SMAD2: variants seen among roughly 807,000 people sequenced by gnomAD.
The protein encoded by SMAD2 is MAD homolog 2.
Under a neutral mutation model 64.4 loss-of-function variants are expected in SMAD2, and 8 were observed. That is an observed-to-expected ratio of 0.12 (90% CI 0.07 to 0.22). The LOEUF is 0.22. SMAD2 is among the 10% of genes least tolerant of loss of function. The pLI is 1.00. For missense variants in SMAD2, 289 were observed against 561.2 expected (o/e 0.51, Z 4.90); for synonymous variants, 203 against 195.8 (o/e 1.04, Z -0.31).
intron 2 of SMAD2, among the ~76,000 whole-genome samples, chr18:47,886,086 A>G (rs2032886938): frequency 1.3e-5 from 2 of 152,248 alleles, no homozygotes; most frequent in South Asian, 4.1e-4. Context: ...TCCCAAGGAT[A>G]CCAAGGGATG....
Position 47,816,322 on chromosome 18 carries a change from C to G in SMAD2, c.*25505G>C, listed in dbSNP as rs999327207. On this transcript the variant is annotated 3_prime_UTR_variant, in exon 11 of 11. Transcript: ENST00000262160. ...CACAATTGGGTAGCTTTAAAAAATA[C>G]CAAAATATACAGTGGTCACCCTAAA... 2 of 151,978 alleles carry G rather than the reference C, an allele frequency of 1.3e-5. No homozygotes were observed. The highest frequency in any genetic ancestry group is 2.9e-5 in the Non-Finnish European group (2 of 67,992). 9.4% of individuals were successfully genotyped at this position (151,978 alleles called of 1,614,324 possible).
chr18:47,867,667 A>AC (rs1419272029), intron 5 of SMAD2, among the ~76,000 whole-genome samples: 3 of 151,744 alleles, frequency 2.0e-5, no homozygotes, highest in African/African-American at 2.4e-5. Flanking sequence ...CAAAAAAAAA[A>AC]AAAAGAAACC....
intron 6 of SMAD2, among the ~76,000 whole-genome samples, chr18:47,861,433 C>T (rs1157115316): frequency 5.9e-5 from 9 of 152,048 alleles, no homozygotes. Context: ...GTCAATTTAA[C>T]AAGAATGCAG....
chr18:47,837,424 T>C lies in SMAD2; in HGVS notation c.*4403A>G, dbSNP rs962752556. On this transcript the variant is annotated 3_prime_UTR_variant, in exon 11 of 11. Coordinates refer to ENST00000262160, the MANE Select transcript of SMAD2 (RefSeq NM_005901.6). ...AAAAATACAAAAAATTAGCCGAGTGTGGTGGTGGGCGCCTGTAGTCCCAGC... is the reference window on the plus strand; with the variant it reads ...AAAAATACAAAAAATTAGCCGAGTGCGGTGGTGGGCGCCTGTAGTCCCAGC... The C allele has an allele frequency of 7.6e-5, 15 of 197,872 alleles. No homozygotes were observed. Among genetic ancestry groups the C allele is most frequent in the African/African-American group, 3.2e-4 (14 of 43,168 alleles). The allele number at this position is 197,872 out of a possible 1,614,324, so 12.3% of individuals were successfully genotyped here.
At chr18:47,900,756 G>A (rs1268933222) in intron 1 of SMAD2, among the ~76,000 whole-genome samples, 6 of 152,018 alleles carry the variant, frequency 3.9e-5, no homozygotes, top group Admixed American at 2.6e-4. Flanking sequence ...CATTTCAGCA[G>A]CAGCAATCTA....
intron 7 of SMAD2, among the ~76,000 whole-genome samples, chr18:47,850,533 A>G (rs1269188351): frequency 5.3e-5 from 1 of 18,876 alleles, no homozygotes; most frequent in Non-Finnish European, 9.0e-5. Flanking sequence ...TATGTATAAT[A>G]TATGTTATAT....
At position 47,833,042 on chromosome 18, in the gene SMAD2, A is replaced by T. The variant is rs929634851; in HGVS notation, c.*8785T>A. 5.6e-6 allele frequency: 1 copy of T among 178,852 alleles called. No homozygotes were observed. 11.1% of individuals were successfully genotyped at this position (178,852 alleles called of 1,614,324 possible). ...TGAACACCAAAATGTAATCCCATAT[A>T]AAAAAAGATCAGTTTAAATAAAAAT... On this transcript the variant is annotated 3_prime_UTR_variant, in exon 11 of 11. Transcript: ENST00000262160.
At chr18:47,915,576 A>G (rs185571681) in intron 1 of SMAD2, among the ~76,000 whole-genome samples, 1 of 152,228 alleles carries the variant, frequency 6.6e-6, no homozygotes, top group Admixed American at 6.5e-5. Flanking sequence ...TTAACCAAAA[A>G]AAGTCCCACA....
rs1912278526 is a variant in SMAD2 at position 47,813,711 on chromosome 18, A to AGTTTTTTTTT, written c.*28115_*28116insAAAAAAAAAC. 4 of 84,580 alleles carry AGTTTTTTTTT rather than the reference A, an allele frequency of 4.7e-5. No homozygotes were observed. The East Asian group carries it at 1.8e-3, about 39-fold the overall frequency. The allele number at this position is 84,580 out of a possible 1,614,324, so 5.2% of individuals were successfully genotyped here. On this transcript the variant is annotated 3_prime_UTR_variant, in exon 11 of 11. Coordinates refer to ENST00000262160, the MANE Select transcript of SMAD2 (RefSeq NM_005901.6). Reference sequence around the variant, plus strand: ...ATGAGCCACTGTACCCGGCCCCACAATTTTTTTTTTTTTTTTTTTTTGGAG... The same window carrying AGTTTTTTTTT: ...ATGAGCCACTGTACCCGGCCCCACAAGTTTTTTTTTTTTTTTTTTTTTTTTTTTTTTGGAG...
chr18:47,898,532 T>TC lies in SMAD2; in HGVS notation c.-53-1724dup, dbSNP rs61446609. Among the ~76,000 whole-genome samples the TC allele has an allele frequency of 3.9e-3, 589 of 152,350 alleles. 4 individuals carry two copies. The highest frequency in any genetic ancestry group is 0.013 in the African/African-American group (545 of 41,592). On this transcript the variant is annotated intron_variant, in intron 1 of 10. Transcript: ENST00000262160. ...TCCTAACACAAGATGCAAATTTATT[T>TC]CCCATCAAAGAACATGGCTAATTTT...
In SMAD2 at chr18:47,849,974, T is replaced by A. The variant is rs557148658; in HGVS notation, c.785-1287A>T. Among the ~76,000 whole-genome samples the A allele has an allele frequency of 4.6e-5, 7 of 151,526 alleles. No homozygotes were observed. The South Asian group carries it at 1.5e-3, about 32-fold the overall frequency. On this transcript the variant is annotated intron_variant, in intron 7 of 10. Transcript: ENST00000262160. ...GTGAGCCGAGATTGCGCCACTGCAC[T>A]CTAGCCTGGGCGACAGAGCAAGACT... is the stretch of plus-strand genomic sequence containing the variant.
rs1912482264 is a variant in SMAD2, at chr18:47,819,299, T to A, written c.*22528A>T. ...TAAACTCAACTTAAAAACAGAATGA[T>A]CTTTGTATAACTGTAAGTTGAACTA... On this transcript the variant is annotated 3_prime_UTR_variant, in exon 11 of 11. Transcript: ENST00000262160. The A allele has an allele frequency of 6.6e-6, 1 of 152,266 alleles. No homozygotes were observed. 9.4% of individuals were successfully genotyped at this position (152,266 alleles called of 1,614,324 possible).
chr18:47,844,331 G>A (rs893785562), intron 10 of SMAD2, among the ~76,000 whole-genome samples: 1 of 152,190 alleles, frequency 6.6e-6, no homozygotes, highest in Admixed American at 6.5e-5. Context: ...ATTGCTGGAA[G>A]AAGCAGGAAT....
rs1913696895 is a variant in SMAD2 at position 47,839,056 on chromosome 18, T to C, written c.*2771A>G. ...AAAAATCAGGCCACAGTAGATAAAATACAAAAAACATCATCTCGTTAAAAA... is the reference window on the plus strand; with the variant it reads ...AAAAATCAGGCCACAGTAGATAAAACACAAAAAACATCATCTCGTTAAAAA... On this transcript the variant is annotated 3_prime_UTR_variant, in exon 11 of 11. Transcript: ENST00000262160. 1 of 232,460 alleles carries C rather than the reference T, an allele frequency of 4.3e-6. No individual in the cohort carries two copies. Among genetic ancestry groups the C allele is most frequent in the Non-Finnish European group, 8.5e-6 (1 of 117,822 alleles). The allele number at this position is 232,460 out of a possible 1,614,324, so 14.4% of individuals were successfully genotyped here. A position where few individuals can be genotyped will look rare whatever the true frequency, so the allele number is the denominator to read the frequency against.
chr18:47,826,149 A>G lies in SMAD2; in HGVS notation c.*15678T>C, dbSNP rs1787179. ...CTTTGCTTTTGTCTTCCTTATGTAT[A>G]TTAGATTAGGCTTCTACTCAATGCT... On this transcript the variant is annotated 3_prime_UTR_variant, in exon 11 of 11. Transcript: ENST00000262160. 152,118 of 152,366 alleles carry G rather than the reference A, an allele frequency of 1. 75,935 individuals carry two copies. Among genetic ancestry groups the G allele is most frequent in the Middle Eastern group, 1 (294 of 294 alleles). The allele number at this position is 152,366 out of a possible 1,614,324, so 9.4% of individuals were successfully genotyped here.
At chr18:47,930,760 C>T (rs1290293640), upstream of SMAD2, 1 of 146,936 alleles carries the variant, frequency 6.8e-6, no homozygotes, top group Non-Finnish European at 1.5e-5. Context: ...CTTCCGCCCT[C>T]CGCCCTCGGC....
chr18:47,894,606 C>A (rs983923949), intron 2 of SMAD2, among the ~76,000 whole-genome samples: 6 of 152,164 alleles, frequency 3.9e-5, no homozygotes, highest in Admixed American at 3.9e-4. Context: ...TCCTTTACCC[C>A]GCTCAACTCA....
rs1222541070 is a variant in SMAD2, at chr18:47,826,352, T to C, written c.*15475A>G. 6.6e-6 allele frequency: 1 copy of C among 152,290 alleles called. No homozygotes were observed. Among genetic ancestry groups the C allele is most frequent in the Non-Finnish European group, 1.5e-5 (1 of 68,076 alleles). 9.4% of individuals were successfully genotyped at this position (152,290 alleles called of 1,614,324 possible). A position where few individuals can be genotyped will look rare whatever the true frequency, so the allele number is the denominator to read the frequency against. On this transcript the variant is annotated 3_prime_UTR_variant, in exon 11 of 11. Coordinates refer to ENST00000262160, the MANE Select transcript of SMAD2 (RefSeq NM_005901.6). ...TAAGGCTCCAATTCTTCACCCCTCC[T>C]ATGTTCTCTCCCTTGGTCTAATAAC...
rs1377339280 is a variant in SMAD2 at position 47,823,541 on chromosome 18, T to A, written c.*18286A>T. 2 of 152,182 alleles carry A rather than the reference T, an allele frequency of 1.3e-5. No homozygotes were observed. Among genetic ancestry groups the A allele is most frequent in the African/African-American group, 4.8e-5 (2 of 41,440 alleles). 9.4% of individuals were successfully genotyped at this position (152,182 alleles called of 1,614,324 possible). On this transcript the variant is annotated 3_prime_UTR_variant, in exon 11 of 11. Transcript: ENST00000262160. The stretch of plus-strand genomic sequence containing the variant: ...AACTACTCCCATGCTCTGAGGCCTA[T>A]AAGCTAAGATGTGATTAATTTTTAA...
Sources: allele counts gnomAD v4.1 joint callset (sites outside exome capture counted in the v4.1 genomes callset), GRCh38; gene constraint gnomAD v4.1.1; transcripts MANE v1.5; gene names NCBI Gene and HGNC (gene_info 2026-07-23, HGNC 2026-07-21).